KLF12: variants seen among roughly 807,000 people sequenced by gnomAD.
KLF12 encodes KLF transcription factor 12, also known as Krueppel-like factor 12.
In KLF12, 9 loss-of-function variants were observed where a neutral mutation model predicts 37.8. The observed-to-expected ratio is 0.24, with a 90% confidence interval of 0.14 to 0.42. The LOEUF is 0.42. Among genes scored for constraint, KLF12 ranks in the 10% least tolerant of loss-of-function variants. The pLI is 1.00. For synonymous variants in KLF12, 208 were observed against 202.1 expected (o/e 1.03, Z -0.25); for missense variants, 411 against 516.0 (o/e 0.80, Z 1.97).
intron 1 of KLF12, among the ~76,000 whole-genome samples, chr13:74,110,262 G>A (rs922885877): frequency 6.6e-5 from 10 of 152,208 alleles, no homozygotes; most frequent in African/African-American, 2.2e-4. Context: ...GGACAGCCCC[G>A]TCCTCTTTCT....
At chr13:74,049,799 A>C (rs1872787553) in intron 1 of KLF12, among the ~76,000 whole-genome samples, 1 of 152,156 alleles carries the variant, frequency 6.6e-6, no homozygotes, top group South Asian at 2.1e-4. Flanking sequence ...TTGCTCTTCA[A>C]ATTCTCATTC....
chr13:74,287,220 G>A, the KLF12 span, among the ~76,000 whole-genome samples: 2 of 152,064 alleles, frequency 1.3e-5, no homozygotes, highest in Admixed American at 6.6e-5. Context: ...CTTGCAGCCC[G>A]TCTGCTCATT....
chr13:74,017,000 C>T (rs1892702567), intron 1 of KLF12, among the ~76,000 whole-genome samples: 1 of 151,934 alleles, frequency 6.6e-6, no homozygotes, highest in East Asian at 1.9e-4. Context: ...GCAGAAAAGG[C>T]CGGACTCAAA....
In KLF12 at chr13:74,083,493, GACACACACACAC is replaced by G. The variant is rs61312097; in HGVS notation, c.-32+50234_-32+50245del. ...TTGCACTCCAGCCTGGGCGATAGGAGACACACACACACACACACACACACACACACACACACA... is the reference window on the plus strand; with the variant it reads ...TTGCACTCCAGCCTGGGCGATAGGAGACACACACACACACACACACACACA... On this transcript the variant is annotated intron_variant, in intron 1 of 7. Coordinates refer to ENST00000377669, the MANE Select transcript of KLF12 (RefSeq NM_007249.5). 5.3e-3 allele frequency among the ~76,000 whole-genome samples: 724 copies of G among 136,510 alleles called. 7 individuals carry two copies. The highest frequency in any genetic ancestry group is 0.018 in the African/African-American group (627 of 35,332). The allele number at this position is 136,510 out of a possible 152,430, so 89.6% of individuals were successfully genotyped here. A position where few individuals can be genotyped will look rare whatever the true frequency, so the allele number is the denominator to read the frequency against.
At chr13:73,813,314 A>C in intron 4 of KLF12, 27 bp from the exon 5 acceptor site, 1 of 1,613,042 alleles carries the variant, frequency 6.2e-7, no homozygotes, top group Non-Finnish European at 8.5e-7. Context: ...TATATAATGA[A>C]TTAAAATCAG....
chr13:74,295,584 A>G, the KLF12 span, among the ~76,000 whole-genome samples: 1 of 152,144 alleles, frequency 6.6e-6, no homozygotes, highest in African/African-American at 2.4e-5. Context: ...AGTTGCCCCA[A>G]CGTGATTGTG....
At chr13:73,991,105 T>C (rs897717737) in intron 2 of KLF12, among the ~76,000 whole-genome samples, 1 of 152,172 alleles carries the variant, frequency 6.6e-6, no homozygotes. Context: ...ATAAATAAGA[T>C]ACCCAACACT....
chr13:73,873,066 T>G (rs1886546851), intron 3 of KLF12, among the ~76,000 whole-genome samples: 2 of 152,268 alleles, frequency 1.3e-5, no homozygotes, highest in East Asian at 3.9e-4. Flanking sequence ...CATCATTTGG[T>G]TAGTGCATTG....
At chr13:73,723,175 G>A (rs949806656) in intron 6 of KLF12, among the ~76,000 whole-genome samples, 2 of 152,132 alleles carry the variant, frequency 1.3e-5, no homozygotes, top group African/African-American at 2.4e-5. Flanking sequence ...GATGAAATTA[G>A]ACTACAAGTT....
upstream of KLF12, among the ~76,000 whole-genome samples, chr13:74,135,100 ATTGT>A (rs1339598081): frequency 3.3e-5 from 5 of 151,238 alleles, no homozygotes; most frequent in Non-Finnish European, 5.9e-5. Context: ...CAGGGGAGTC[ATTGT>A]TTGGGTTCCG....
chr13:73,915,730 C>T (rs1454552196), intron 3 of KLF12, among the ~76,000 whole-genome samples: 6 of 140,128 alleles, frequency 4.3e-5, no homozygotes, highest in African/African-American at 1.1e-4. Context: ...GACTAGGTTT[C>T]GCCGTGTTAG....
chr13:73,919,603 G>T (rs1290788981), intron 3 of KLF12, among the ~76,000 whole-genome samples: 2 of 152,016 alleles, frequency 1.3e-5, no homozygotes, highest in Non-Finnish European at 2.9e-5. Context: ...TGCCCTAACG[G>T]GTAAATAATG....
At chr13:73,982,956 C>CAA (rs111437714) in intron 2 of KLF12, among the ~76,000 whole-genome samples, 2 of 142,492 alleles carry the variant, frequency 1.4e-5, no homozygotes, top group East Asian at 2.0e-4. Flanking sequence ...ACTTTTTTTC[C>CAA]AAAAAAAAAA....
upstream of KLF12, among the ~76,000 whole-genome samples, chr13:74,134,583 G>C (rs1055494172): frequency 6.8e-6 from 1 of 147,024 alleles, no homozygotes; most frequent in Non-Finnish European, 1.5e-5. Context: ...CCTCGGCAGC[G>C]CTTCCCTTTC....
At chr13:73,813,715 T>G (rs1883064371) in intron 4 of KLF12, among the ~76,000 whole-genome samples, 1 of 152,168 alleles carries the variant, frequency 6.6e-6, no homozygotes, top group South Asian at 2.1e-4. Context: ...AGATATTAGT[T>G]GCTTATAGCT....
At chr13:73,897,677 C>T (rs528300977) in intron 3 of KLF12, among the ~76,000 whole-genome samples, 1 of 152,294 alleles carries the variant, frequency 6.6e-6, no homozygotes, top group African/African-American at 2.4e-5. Context: ...TCTAAGCCAC[C>T]ATCATATATC....
At chr13:73,940,477 T>C (rs939365610) in intron 3 of KLF12, among the ~76,000 whole-genome samples, 1 of 152,120 alleles carries the variant, frequency 6.6e-6, no homozygotes, top group Non-Finnish European at 1.5e-5. Flanking sequence ...ACCACACCTA[T>C]CCGGTTCACA....
At chr13:73,978,420 G>A (rs1034802104) in intron 2 of KLF12, among the ~76,000 whole-genome samples, 2 of 152,068 alleles carry the variant, frequency 1.3e-5, no homozygotes, top group Non-Finnish European at 2.9e-5. Flanking sequence ...ACAACACCAC[G>A]CTCAGAATAA....
At chr13:74,231,903 G>T in the KLF12 span, among the ~76,000 whole-genome samples, 1 of 152,106 alleles carries the variant, frequency 6.6e-6, no homozygotes, top group Non-Finnish European at 1.5e-5. Context: ...ATCATGTTAG[G>T]TTTGTATATT....
Sources: gnomAD v4.1 joint callset for allele counts (sites outside exome capture counted in the v4.1 genomes callset) on GRCh38, gnomAD v4.1.1 for gene constraint, MANE v1.5 for transcripts, NCBI Gene and HGNC (gene_info 2026-07-23, HGNC 2026-07-21) for gene names.